Variants in CTNND2 observed in about 807,000 individuals in gnomAD.
CTNND2 encodes catenin delta 2.
In CTNND2, 22 loss-of-function variants were observed where a neutral mutation model predicts 144.4. The ratio of observed to expected loss-of-function variants is 0.15; its 90% CI spans 0.11 to 0.22. The LOEUF is 0.22. Among genes scored for constraint, CTNND2 ranks in the 10% least tolerant of loss-of-function variants. The pLI, the probability that CTNND2 is intolerant of heterozygous loss-of-function variation, is 1.00. For missense variants in CTNND2, 1,353 were observed against 1,618.8 expected (o/e 0.84, Z 2.82); for synonymous variants, 751 against 695.6 (o/e 1.08, Z -1.25).
intron 1 of CTNND2, among the ~76,000 whole-genome samples, chr5:11,879,677 CTTT>C (rs768672244): frequency 7.2e-4 from 109 of 152,152 alleles, no homozygotes; most frequent in Middle Eastern, 3.4e-3. Flanking sequence ...TGAAACAAGA[CTTT>C]TTTACTAATA....
Position 11,539,635 on chromosome 5 carries a change from G to A in CTNND2, c.287+25309C>T, listed in dbSNP as rs148648698. On this transcript the variant is annotated intron_variant, in intron 3 of 21. Coordinates refer to ENST00000304623, the MANE Select transcript of CTNND2 (RefSeq NM_001332.4). ...CAGCAAGCCATGGGTCCTGCCAATG[G>A]TCAGTGGAATTTGCAGCCTTTCTGC... is the stretch of plus-strand genomic sequence containing the variant. Among the ~76,000 whole-genome samples the A allele has an allele frequency of 1.0e-3, 155 of 152,334 alleles. 1 individual carries two copies. In the East Asian group the frequency reaches 0.014, roughly 14 times the overall value.
chr5:11,750,438 C>A (rs1255093832), intron 1 of CTNND2, among the ~76,000 whole-genome samples: 1 of 151,808 alleles, frequency 6.6e-6, no homozygotes, highest in East Asian at 1.9e-4. Flanking sequence ...TTGGATTAAG[C>A]CAGTGTGATT....
At chr5:11,544,357 A>G (rs1304438657) in intron 3 of CTNND2, among the ~76,000 whole-genome samples, 1 of 152,208 alleles carries the variant, frequency 6.6e-6, no homozygotes, top group Non-Finnish European at 1.5e-5. Flanking sequence ...CACTGCTGAT[A>G]GGATTAGAAA....
At chr5:11,063,610 C>T (rs534676134) in intron 16 of CTNND2, among the ~76,000 whole-genome samples, 18 of 152,028 alleles carry the variant, frequency 1.2e-4, no homozygotes, top group Middle Eastern at 6.8e-3. Context: ...AAAGGAATGA[C>T]GTAGAATTTC....
rs543688633 is a variant in CTNND2, at chr5:11,394,538, T to C, written c.612+2493A>G. Among the ~76,000 whole-genome samples, 3 of 152,304 alleles carry C rather than the reference T, an allele frequency of 2.0e-5. No homozygotes were observed. In the South Asian group the frequency reaches 6.2e-4, roughly 32 times the overall value. On this transcript the variant is annotated intron_variant, in intron 6 of 21. Coordinates refer to ENST00000304623, the MANE Select transcript of CTNND2 (RefSeq NM_001332.4). ...GTTCAGGTCACTTTCTAGAATGGCC[T>C]TGGGGTCTGATGGGAAGGGTAGTCT...
At chr5:11,223,622 A>G (rs1032236616) in intron 10 of CTNND2, among the ~76,000 whole-genome samples, 16 of 152,134 alleles carry the variant, frequency 1.1e-4, no homozygotes, top group African/African-American at 3.6e-4. Context: ...GGGGAGCCAT[A>G]TCTACTGAAG....
At chr5:11,194,460 C>T (rs1284749209) in intron 11 of CTNND2, among the ~76,000 whole-genome samples, 1 of 152,142 alleles carries the variant, frequency 6.6e-6, no homozygotes. Flanking sequence ...CAAAAAGGTA[C>T]TGAGGATATT....
intron 1 of CTNND2, among the ~76,000 whole-genome samples, chr5:11,812,685 A>G (rs150141529): frequency 7.0e-4 from 107 of 152,322 alleles, no homozygotes; most frequent in Non-Finnish European, 1.3e-3. Context: ...GATTAAAGAA[A>G]AAAGGTTCCT....
At chr5:11,793,587 A>G (rs1282573102) in intron 1 of CTNND2, among the ~76,000 whole-genome samples, 1 of 152,196 alleles carries the variant, frequency 6.6e-6, no homozygotes, top group Non-Finnish European at 1.5e-5. Context: ...CCATGGGAAC[A>G]CTGGAGTGAT....
chr5:11,149,325 T>C (rs374664979), intron 12 of CTNND2, among the ~76,000 whole-genome samples: 8 of 152,256 alleles, frequency 5.3e-5, no homozygotes, highest in African/African-American at 9.6e-5. Flanking sequence ...GGCAATTACA[T>C]TGTTGTTCCA....
chr5:11,468,494 G>A (rs1474855327), intron 3 of CTNND2, among the ~76,000 whole-genome samples: 1 of 152,080 alleles, frequency 6.6e-6, no homozygotes, highest in Non-Finnish European at 1.5e-5. Flanking sequence ...GCCCCAGGAA[G>A]CCACAGCCCA....
At chr5:11,137,290 A>T (rs553523899) in intron 12 of CTNND2, among the ~76,000 whole-genome samples, 1 of 152,218 alleles carries the variant, frequency 6.6e-6, no homozygotes, top group Non-Finnish European at 1.5e-5. Context: ...GTTGATCTAA[A>T]GGCAGGAATT....
intron 1 of CTNND2, among the ~76,000 whole-genome samples, chr5:11,785,562 T>C (rs986119098): frequency 6.6e-6 from 1 of 152,010 alleles, no homozygotes; most frequent in African/African-American, 2.4e-5. Flanking sequence ...AAGCATTAGA[T>C]GGAAATATGC....
At chr5:11,446,553 G>A (rs2149903452) in intron 3 of CTNND2, among the ~76,000 whole-genome samples, 1 of 152,262 alleles carries the variant, frequency 6.6e-6, no homozygotes, top group East Asian at 1.9e-4. Flanking sequence ...TATTTGAGGT[G>A]ACAAAGGGGT....
chr5:11,741,767 T>A (rs1788028992), intron 1 of CTNND2, among the ~76,000 whole-genome samples: 1 of 148,172 alleles, frequency 6.7e-6, no homozygotes, highest in Non-Finnish European at 1.5e-5. Context: ...ATTATATATA[T>A]AATATATATT....
chr5:11,566,083 T>C (rs1244983953), intron 2 of CTNND2, among the ~76,000 whole-genome samples: 1 of 152,136 alleles, frequency 6.6e-6, no homozygotes, highest in Non-Finnish European at 1.5e-5. Context: ...TTTATTTACT[T>C]GCTACCCCAG....
At chr5:11,626,857 C>T (rs1306455428) in intron 2 of CTNND2, among the ~76,000 whole-genome samples, 2 of 152,196 alleles carry the variant, frequency 1.3e-5, no homozygotes, top group Non-Finnish European at 2.9e-5. Context: ...AATTGAAGAA[C>T]CCATTAGTGT....
intron 3 of CTNND2, among the ~76,000 whole-genome samples, chr5:11,535,983 T>C (rs1774184328): frequency 6.6e-6 from 1 of 152,202 alleles, no homozygotes; most frequent in South Asian, 2.1e-4. Context: ...TAGAATTTAG[T>C]GTCATTCTCT....
At chr5:11,334,534 G>T (rs748385447) in intron 9 of CTNND2, among the ~76,000 whole-genome samples, 2 of 152,170 alleles carry the variant, frequency 1.3e-5, no homozygotes, top group Non-Finnish European at 2.9e-5. Context: ...ATTAGGAAGT[G>T]CTGGAGGAAA....
Sources: gnomAD v4.1 joint callset for allele counts (sites outside exome capture counted in the v4.1 genomes callset) on GRCh38, gnomAD v4.1.1 for gene constraint, MANE v1.5 for transcripts, NCBI Gene and HGNC (gene_info 2026-07-23, HGNC 2026-07-21) for gene names.